TG: variants seen among roughly 807,000 people sequenced by gnomAD.
The protein encoded by TG is thyroglobulin.
Under a neutral mutation model 324.7 loss-of-function variants are expected in TG, and 270 were observed. The observed-to-expected ratio is 0.83, with a 90% CI of 0.75 to 0.92. The LOEUF (loss-of-function observed/expected upper bound fraction) is 0.92. TG is among the 40% of genes least tolerant of loss of function. TG has a pLI of 0.00. For synonymous variants in TG, 1,401 were observed against 1,327.0 expected, an observed-to-expected ratio of 1.06 and a Z score of -1.21; for missense variants, 3,591 against 3,456.4, an observed-to-expected ratio of 1.04 and a Z score of -0.98.
intron 41 of TG, among the ~76,000 whole-genome samples, chr8:133,046,212 AG>A (rs1414889683): frequency 1.9e-4 from 29 of 152,218 alleles, no homozygotes; most frequent in Non-Finnish European, 2.9e-5. Flanking sequence ...CAGAGGAGAA[AG>A]GGAGCTGATT....
At chr8:132,952,650 G>A (rs1826277306) in intron 27 of TG, among the ~76,000 whole-genome samples, 1 of 152,196 alleles carries the variant, frequency 6.6e-6, no homozygotes, top group Non-Finnish European at 1.5e-5. Context: ...TGATTGCCAG[G>A]TGTAGGAAAT....
intron 35 of TG, among the ~76,000 whole-genome samples, chr8:132,996,398 G>T (rs1224297117): frequency 3.3e-5 from 5 of 151,964 alleles, no homozygotes; most frequent in Non-Finnish European, 2.9e-5. Flanking sequence ...GCATTCTATT[G>T]CTCCTTTATT....
rs1050002185 is a variant in TG, at chr8:133,048,084, A to T, written c.7239+18061A>T. On this transcript the variant is annotated intron_variant, in intron 41 of 47. Coordinates refer to ENST00000220616, the MANE Select transcript of TG (RefSeq NM_003235.5). ...GCATCATCTCTCTTCCACAGATGAG[A>T]ATACTGAGGGTTCCAGTGATTAAGT... is the stretch of plus-strand genomic sequence containing the variant. 6.8e-6 allele frequency: 4 copies of T among 587,084 alleles called. No individual in the cohort carries two copies. The African/African-American group carries it at 7.5e-5, about 11-fold the overall frequency. 36.4% of individuals were successfully genotyped at this position (587,084 alleles called of 1,614,324 possible). A position where few individuals can be genotyped will look rare whatever the true frequency, so the allele number is the denominator to read the frequency against.
Position 132,969,501 on chromosome 8 carries a change from G to T in TG, c.5907G>T (p.Pro1969=), listed in dbSNP as rs17693031. 1 of 1,612,872 alleles carries T rather than the reference G, an allele frequency of 6.2e-7. No individual in the cohort carries two copies. Among genetic ancestry groups the T allele is most frequent in the African/African-American group, 1.3e-5 (1 of 74,832 alleles). ...TGAAGAACTTTTACACTCGCCTGCCGTTCCAAAAACTGATGGGGATATCCA... is the reference window on the plus strand; with the variant it reads ...TGAAGAACTTTTACACTCGCCTGCCTTTCCAAAAACTGATGGGGATATCCA... ...DKVKNFYTRL[P]FQKLMGISIR... Residue 1969 remains proline, a synonymous_variant, in exon 32 of 48, where the codon CCG becomes CCT. Coordinates refer to ENST00000220616, the MANE Select transcript of TG (RefSeq NM_003235.5).
At chr8:132,889,912 G>T (rs920517016) in intron 10 of TG, among the ~76,000 whole-genome samples, 9 of 152,040 alleles carry the variant, frequency 5.9e-5, no homozygotes, top group African/African-American at 1.9e-4. Context: ...AAGTAACTGG[G>T]ATTACAGGTG....
intron 11 of TG, among the ~76,000 whole-genome samples, chr8:132,896,554 G>A (rs984381316): frequency 1.3e-5 from 2 of 152,198 alleles, no homozygotes; most frequent in Admixed American, 6.5e-5. Context: ...GCCAGCAGGA[G>A]TGGAGAAAGA....
At chr8:132,947,651 C>T (rs1283075269) in intron 26 of TG, among the ~76,000 whole-genome samples, 4 of 144,228 alleles carry the variant, frequency 2.8e-5, no homozygotes, top group African/African-American at 1.0e-4. Context: ...TTTTTTTTTC[C>T]AGGAGAGTCT....
Position 133,096,385 on chromosome 8 carries a change from G to C in TG, c.7572+12G>C. ...CAAAGGCTGTGAAGGTAAGCAGGGA[G>C]GGGGCCTCGGATGTCTCCAGCTGGG... On this transcript the variant is annotated intron_variant, in intron 43 of 47. Coordinates refer to ENST00000220616, the MANE Select transcript of TG (RefSeq NM_003235.5). 6.2e-7 allele frequency: 1 copy of C among 1,614,146 alleles called. No homozygotes were observed. Among genetic ancestry groups the C allele is most frequent in the Non-Finnish European group, 8.5e-7 (1 of 1,179,984 alleles).
At chr8:132,992,076 T>G (rs969948460) in intron 35 of TG, among the ~76,000 whole-genome samples, 14 of 152,146 alleles carry the variant, frequency 9.2e-5, no homozygotes, top group Admixed American at 8.5e-4. Flanking sequence ...AGTTATGGTT[T>G]CATCTGCCTT....
chr8:132,962,931 G>A, intron 28 of TG, 63 bp from the exon 29 acceptor site: 1 of 1,492,838 alleles, frequency 6.7e-7, no homozygotes, highest in Non-Finnish European at 9.3e-7. Context: ...CTACCATTTT[G>A]TTGACCAGTG....
At position 132,871,355 on chromosome 8, in the gene TG, A is replaced by AT; in HGVS notation, c.286dup (p.Cys96LeufsTer15). 6.2e-7 allele frequency: 1 copy of AT among 1,614,182 alleles called. No homozygotes were observed. The highest frequency in any genetic ancestry group is 8.5e-7 in the Non-Finnish European group (1 of 1,180,026). On this transcript the variant is annotated frameshift_variant, in exon 4 of 48. Transcript: ENST00000220616. LOFTEE classifies it high-confidence loss of function. ...TGCTCCTTGTACCCACAGGTCTGTC[A>AT]TTTTGTCAGCTACAGAAACAGCAGA...
At chr8:133,013,846 A>T in intron 37 of TG, 82 bp downstream of exon 37, 2 of 1,532,158 alleles carry the variant, frequency 1.3e-6, no homozygotes, top group Non-Finnish European at 1.8e-6. Context: ...GGTGAGTTGG[A>T]GGACAGTGGC....
chr8:133,040,252 G>T, intron 41 of TG: 1 of 1,066,978 alleles, frequency 9.4e-7, no homozygotes, highest in Non-Finnish European at 1.3e-6. Flanking sequence ...CTGGGCCTGA[G>T]ATTTCAAAGG....
At chr8:132,906,939 C>T (rs1378936725) in intron 17 of TG, 39 bp downstream of exon 17, 2 of 1,570,366 alleles carry the variant, frequency 1.3e-6, no homozygotes, top group South Asian at 2.3e-5. Flanking sequence ...ACCCCGCTCC[C>T]TCTCAGGGCT....
In TG at chr8:133,050,875, C is replaced by T. The variant is rs766029140; in HGVS notation, c.7239+20852C>T. 7.0e-5 allele frequency: 113 copies of T among 1,613,718 alleles called. No homozygotes were observed. The highest frequency in any genetic ancestry group is 3.5e-4 in the Admixed American group (21 of 59,996). ...ATATCGGGGGGCTGATGTCAGGAGA[C>T]GGGTAGTCACTTAGCACGGCAAGGA... On this transcript the variant is annotated intron_variant, in intron 41 of 47. Coordinates refer to ENST00000220616, the MANE Select transcript of TG (RefSeq NM_003235.5).
At chr8:133,074,031 A>G (rs1261358121) in intron 41 of TG, among the ~76,000 whole-genome samples, 1 of 152,180 alleles carries the variant, frequency 6.6e-6, no homozygotes, top group Non-Finnish European at 1.5e-5. Context: ...TTCTGAGGCC[A>G]AAGCTCAGGT....
intron 41 of TG, among the ~76,000 whole-genome samples, chr8:133,048,183 C>T (rs1285875173): frequency 6.6e-6 from 1 of 152,104 alleles, no homozygotes; most frequent in Non-Finnish European, 1.5e-5. Flanking sequence ...CATCCAATTC[C>T]ATAACCACCT....
chr8:133,017,347 C>G (rs1003626919), intron 37 of TG, among the ~76,000 whole-genome samples: 6 of 149,732 alleles, frequency 4.0e-5, no homozygotes, highest in Non-Finnish European at 7.4e-5. Context: ...ATTCTTTACT[C>G]ATCTCTCTCA....
rs575718107 is a variant in TG at position 132,964,481 on chromosome 8, G to C, written c.5548+1407G>C. 3.7e-5 allele frequency: 6 copies of C among 160,478 alleles called. No individual in the cohort carries two copies. The East Asian group carries it at 9.1e-4, about 24-fold the overall frequency. 9.9% of individuals were successfully genotyped at this position (160,478 alleles called of 1,614,324 possible). On this transcript the variant is annotated intron_variant, in intron 29 of 47. Coordinates refer to ENST00000220616, the MANE Select transcript of TG (RefSeq NM_003235.5). ...CGTTTACTCAGACGGTGCTTCTCAG[G>C]GTCCATGAGAATGGCCTCTCTGATT...
Sources: allele counts gnomAD v4.1 joint callset (sites outside exome capture counted in the v4.1 genomes callset), GRCh38; gene constraint gnomAD v4.1.1; transcripts MANE v1.5; gene names NCBI Gene and HGNC (gene_info 2026-07-23, HGNC 2026-07-21).